Variants in CDKN3 observed in about 807,000 individuals in gnomAD.
CDKN3 encodes cyclin-dependent kinase inhibitor 3.
CDKN3 carries 19 observed loss-of-function variants against 36.1 expected under a neutral mutation model. The observed-to-expected ratio is 0.53, with a 90% CI of 0.37 to 0.77. The LOEUF is 0.77. CDKN3 is among the 30% of genes least tolerant of loss of function. CDKN3 has a pLI of 0.00. For missense variants in CDKN3, 188 were observed against 248.6 expected, an observed-to-expected ratio of 0.76 and a Z score of 1.64; for synonymous variants, 71 against 85.3, an observed-to-expected ratio of 0.83 and a Z score of 0.92.
intron 5 of CDKN3, chr14:54,413,659 C>A: frequency 6.5e-7 from 1 of 1,535,398 alleles, no homozygotes; most frequent in African/African-American, 1.4e-5. Context: ...ATTCTGCCAT[C>A]TTTGAGGACC....
intron 4 of CDKN3, chr14:54,411,189 A>AT (rs2030338844): frequency 3.5e-6 from 1 of 288,086 alleles, no homozygotes; most frequent in Non-Finnish European, 6.5e-6. Flanking sequence ...AAAAAAAAAA[A>AT]AAAAAAAAGA....
intron 1 of CDKN3, among the ~76,000 whole-genome samples, chr14:54,398,160 C>T (rs1407161313): frequency 1.3e-5 from 2 of 152,134 alleles, no homozygotes; most frequent in Non-Finnish European, 2.9e-5. Flanking sequence ...AAAAAAAGTC[C>T]GTAGCCTAAA....
At chr14:54,409,571 A>C (rs1480595132) in intron 4 of CDKN3, among the ~76,000 whole-genome samples, 1 of 152,110 alleles carries the variant, frequency 6.6e-6, no homozygotes, top group East Asian at 1.9e-4. Context: ...AGTGGTTCAC[A>C]CCTGTAATCC....
chr14:54,398,987 C>CTTTTTTTTTTTT lies in CDKN3; in HGVS notation c.10-900_10-889dup, dbSNP rs113342693. Among the ~76,000 whole-genome samples the CTTTTTTTTTTTT allele has an allele frequency of 2.7e-4, 29 of 109,260 alleles. 1 individual carries two copies. The highest frequency in any genetic ancestry group is 3.0e-4 in the Non-Finnish European group (17 of 56,792). 71.7% of individuals were successfully genotyped at this position (109,260 alleles called of 152,430 possible). On this transcript the variant is annotated intron_variant, in intron 1 of 7. Transcript: ENST00000335183. The stretch of plus-strand genomic sequence containing the variant: ...TTCTTTCCTTTCTTTTTTCTTCTTC[C>CTTTTTTTTTTTT]TTTTTTTTTTTTTTTTTTGGCAGAG...
At chr14:54,397,118 G>A in intron 1 of CDKN3, 41 bp downstream of exon 1, 1 of 1,470,740 alleles carries the variant, frequency 6.8e-7, no homozygotes, top group South Asian at 1.3e-5. Flanking sequence ...CGAGGCGGCA[G>A]GGACGCAAGC....
At chr14:54,418,516 G>T (rs2030623129) in intron 7 of CDKN3, 2 of 447,492 alleles carry the variant, frequency 4.5e-6, no homozygotes, top group South Asian at 6.4e-5. Context: ...CAAGGATATT[G>T]CATTAATCAT....
At chr14:54,418,601 G>A (rs369906083) in intron 7 of CDKN3, among the ~76,000 whole-genome samples, 13 of 152,272 alleles carry the variant, frequency 8.5e-5, no homozygotes, top group African/African-American at 2.9e-4. Context: ...TTTCAGAAGC[G>A]TGCCCTCTCA....
intron 5 of CDKN3, among the ~76,000 whole-genome samples, chr14:54,415,529 A>G (rs2030509417): frequency 6.6e-6 from 1 of 152,228 alleles, no homozygotes; most frequent in African/African-American, 2.4e-5. Context: ...TATTATCTAC[A>G]TGGCATTTGT....
intron 3 of CDKN3, 198 bp from the exon 4 acceptor site, chr14:54,408,547 C>T (rs1000243950): frequency 3.0e-5 from 18 of 602,624 alleles, no homozygotes; most frequent in Non-Finnish European, 4.4e-5. Flanking sequence ...ACACAGAATA[C>T]AGAATCCTTG....
At chr14:54,407,834 G>A (rs2030214531) in intron 3 of CDKN3, among the ~76,000 whole-genome samples, 1 of 152,178 alleles carries the variant, frequency 6.6e-6, no homozygotes, top group Admixed American at 6.5e-5. Flanking sequence ...CCTGGCTTCA[G>A]CCCTCTTTCC....
In CDKN3 at chr14:54,411,700, T is replaced by C; in HGVS notation, c.410T>C (p.Leu137Ser). Residue 137 changes from leucine to serine, a missense_variant, in exon 5 of 8, where the codon TTA (leucine) becomes TCA (serine). Physicochemically the swap from Leu to Ser is moderately radical, Grantham distance 145. Transcript: ENST00000335183. ...TGCCTTAAAAATTACCGAAAAACCT[T>C]AATACAGTACGTTCTTTTCTCCATA... ...TTCLKNYRKTLIHCYGGLGRS... is the reference protein window; with the variant it reads ...TTCLKNYRKTSIHCYGGLGRS... The C allele has an allele frequency of 1.3e-6, 2 of 1,588,310 alleles. No individual in the cohort carries two copies. The highest frequency in any genetic ancestry group is 1.7e-6 in the Non-Finnish European group (2 of 1,156,950).
chr14:54,411,590 A>T lies in CDKN3; in HGVS notation c.300A>T (p.Gly100=). Residue 100 remains glycine, a synonymous_variant, in exon 5 of 8, where the codon GGA becomes GGT. Transcript: ENST00000335183. ...PNLLDLYQQC[G]IITHHHPIAD... ...TTCTGGATCTCTACCAGCAATGTGG[A>T]ATTATCACCCATCATCATCCAATCG... 6.2e-7 allele frequency: 1 copy of T among 1,614,066 alleles called. No homozygotes were observed. The highest frequency in any genetic ancestry group is 1.3e-5 in the African/African-American group (1 of 75,046).
At chr14:54,402,306 G>T (rs565691659) in intron 3 of CDKN3, among the ~76,000 whole-genome samples, 1 of 94,562 alleles carries the variant, frequency 1.1e-5, no homozygotes, top group African/African-American at 3.8e-5. Flanking sequence ...TGGCATGTGT[G>T]TGCGTGTGTG....
At chr14:54,411,900 C>G in intron 5 of CDKN3, 194 bp downstream of exon 5, 1 of 624,718 alleles carries the variant, frequency 1.6e-6, no homozygotes, top group Non-Finnish European at 2.9e-6. Context: ...TATTACTTTT[C>G]AAGAGTAGGG....
intron 4 of CDKN3, among the ~76,000 whole-genome samples, chr14:54,410,820 G>A (rs1046602093): frequency 6.6e-6 from 1 of 151,004 alleles, no homozygotes; most frequent in African/African-American, 2.4e-5. Context: ...TACCTTAATT[G>A]ATAGCACTTT....
At chr14:54,408,054 A>C (rs1036556373) in intron 3 of CDKN3, among the ~76,000 whole-genome samples, 1 of 152,150 alleles carries the variant, frequency 6.6e-6, no homozygotes, top group Non-Finnish European at 1.5e-5. Flanking sequence ...TTGCAGTTGG[A>C]AATTATGTTG....
intron 3 of CDKN3, 73 bp downstream of exon 3, chr14:54,401,652 T>TGG (rs1207095485): frequency 9.2e-7 from 1 of 1,086,152 alleles, no homozygotes; most frequent in African/African-American, 1.6e-5. Context: ...CAGTAGCTTT[T>TGG]GGGGGGACAG....
At chr14:54,415,763 A>C in intron 5 of CDKN3, 136 bp from the exon 6 acceptor site, 1 of 718,572 alleles carries the variant, frequency 1.4e-6, no homozygotes, top group Non-Finnish European at 2.5e-6. Context: ...TAAATCAAAA[A>C]TATTTATTAA....
At chr14:54,401,384 T>C (rs541387635) in intron 2 of CDKN3, 140 bp from the exon 3 acceptor site, 12 of 570,218 alleles carry the variant, frequency 2.1e-5, no homozygotes, top group Non-Finnish European at 3.5e-5. Context: ...GATACTTAAC[T>C]GTGAATTCTT....
Sources: allele counts gnomAD v4.1 joint callset (sites outside exome capture counted in the v4.1 genomes callset), GRCh38; gene constraint gnomAD v4.1.1; transcripts MANE v1.5; gene names NCBI Gene and HGNC (gene_info 2026-07-23, HGNC 2026-07-21).